Variants in TPTE2 observed in about 807,000 individuals in gnomAD.
The protein encoded by TPTE2 is phosphatidylinositol 3,4,5-trisphosphate 3-phosphatase TPTE2.
TPTE2 carries 53 observed loss-of-function variants against 78.6 expected under a neutral mutation model. The ratio of observed to expected loss-of-function variants is 0.67; its 90% CI spans 0.54 to 0.85. TPTE2 has a LOEUF of 0.85. Among genes scored for constraint, TPTE2 ranks in the 40% least tolerant of loss-of-function variants. The pLI, the probability that TPTE2 is intolerant of heterozygous loss-of-function variation, is 0.00. For missense variants in TPTE2, 461 were observed against 623.0 expected (o/e 0.74, Z 2.77); for synonymous variants, 175 against 206.2 (o/e 0.85, Z 1.30).
rs143926462 is a variant in TPTE2 at position 19,468,305 on chromosome 13, T to C, written c.393-961A>G. 4.2e-3 allele frequency among the ~76,000 whole-genome samples: 633 copies of C among 152,208 alleles called. 5 individuals are homozygous for C. The highest frequency in any genetic ancestry group is 0.026 in the South Asian group (125 of 4,814). ...ATCTGCCCACCTCAGCCTCCCAAAG[T>C]GCTGGGATTACAGGCATGAGCCATT... is the stretch of plus-strand genomic sequence containing the variant. On this transcript the variant is annotated intron_variant, in intron 6 of 19. Transcript: ENST00000400230.
chr13:19,488,051 G>A (rs1367417554), intron 3 of TPTE2, among the ~76,000 whole-genome samples: 4 of 152,206 alleles, frequency 2.6e-5, no homozygotes, highest in Non-Finnish European at 5.9e-5. Flanking sequence ...AGAAGGGGCT[G>A]CACAGGCTGA....
intron 15 of TPTE2, among the ~76,000 whole-genome samples, chr13:19,434,605 T>C (rs866758537): frequency 1.0e-3 from 158 of 152,134 alleles, no homozygotes; most frequent in Middle Eastern, 6.8e-3. Context: ...TGTTTTGTTT[T>C]GTTTGGGGCT....
chr13:19,457,769 G>GTT (rs1393095468), intron 10 of TPTE2, among the ~76,000 whole-genome samples: 1 of 151,658 alleles, frequency 6.6e-6, no homozygotes, highest in South Asian at 2.1e-4. Flanking sequence ...TTTTGTTGTT[G>GTT]TTTTTTTAAG....
chr13:19,494,278 C>T (rs1881179359), intron 1 of TPTE2, among the ~76,000 whole-genome samples: 1 of 152,198 alleles, frequency 6.6e-6, no homozygotes, highest in South Asian at 2.1e-4. Flanking sequence ...ATACACGATA[C>T]AGTGAGATGA....
At chr13:19,547,958 T>C in the TPTE2 span, among the ~76,000 whole-genome samples, 6 of 151,910 alleles carry the variant, frequency 3.9e-5, no homozygotes, top group African/African-American at 1.4e-4. Flanking sequence ...ATTATTTATA[T>C]AATTTAAAAT....
chr13:19,483,334 C>T (rs560193045), intron 3 of TPTE2, among the ~76,000 whole-genome samples: 28 of 152,290 alleles, frequency 1.8e-4, no homozygotes, highest in Non-Finnish European at 3.4e-4. Context: ...AATCTCATTA[C>T]TTGTTTTTGG....
Position 19,535,574 on chromosome 13 carries a change from T to C in TPTE2, c.-44+1022A>G, listed in dbSNP as rs1871165292. On this transcript the variant is annotated intron_variant, in intron 1 of 17. Transcript: ENST00000390680. This position sits in a 1 kb window ranked among gnomAD's most constrained non-coding sequence, Gnocchi z 5.1. ...GATTAAATTTAGATTGATTAATAAGTGACTGAGGTTCTAAGTAATACTATC... is the reference window on the plus strand; with the variant it reads ...GATTAAATTTAGATTGATTAATAAGCGACTGAGGTTCTAAGTAATACTATC... Among the ~76,000 whole-genome samples the C allele has an allele frequency of 6.6e-6, 1 of 151,940 alleles. No individual in the cohort carries two copies. Among genetic ancestry groups the C allele is most frequent in the African/African-American group, 2.4e-5 (1 of 41,428 alleles).
chr13:19,423,322 T>A (rs1388439445), intron 19 of TPTE2, among the ~76,000 whole-genome samples, 158 bp from the exon 23 acceptor site: 1 of 152,174 alleles, frequency 6.6e-6, no homozygotes, highest in Admixed American at 6.5e-5. Context: ...TTCCACCTTT[T>A]TAGTGAGACT....
At chr13:19,504,939 A>T (rs1290006995), upstream of TPTE2, among the ~76,000 whole-genome samples, 1 of 152,076 alleles carries the variant, frequency 6.6e-6, no homozygotes, top group Non-Finnish European at 1.5e-5. Context: ...TTGTGTACAC[A>T]TATTTTATAA....
chr13:19,526,454 C>G (rs181490769), intron 1 of TPTE2, among the ~76,000 whole-genome samples: 14 of 152,148 alleles, frequency 9.2e-5, no homozygotes, highest in African/African-American at 3.4e-4. Context: ...TCTAAGCAAA[C>G]TAACACAGGA....
intron 13 of TPTE2, among the ~76,000 whole-genome samples, chr13:19,446,891 T>G (rs1469611578): frequency 6.6e-6 from 1 of 152,200 alleles, no homozygotes; most frequent in Non-Finnish European, 1.5e-5. Context: ...TGCAATGAGC[T>G]GAGATCATGC....
At chr13:19,493,625 A>C (rs1881142929) in intron 1 of TPTE2, 124 bp from the exon 5 acceptor site, 1 of 854,264 alleles carries the variant, frequency 1.2e-6, no homozygotes, top group Non-Finnish European at 2.0e-6. Context: ...TGTATACAGC[A>C]CTATTGGAAC....
intron 18 of TPTE2, chr13:19,426,165 T>C (rs1876050539): frequency 2.8e-6 from 1 of 359,354 alleles, no homozygotes; most frequent in South Asian, 2.5e-5. Context: ...TTTTACTTTT[T>C]TTGTGTTTAT....
the TPTE2 span, among the ~76,000 whole-genome samples, chr13:19,557,375 A>G: frequency 6.6e-6 from 1 of 152,170 alleles, no homozygotes; most frequent in African/African-American, 2.4e-5. Flanking sequence ...CTGGGCAGGG[A>G]GTCAAGGCCC....
At chr13:19,555,971 C>T in the TPTE2 span, among the ~76,000 whole-genome samples, 4 of 151,990 alleles carry the variant, frequency 2.6e-5, no homozygotes, top group East Asian at 1.9e-4. Flanking sequence ...CACCACCATG[C>T]GCAGCCAATT....
intron 3 of TPTE2, among the ~76,000 whole-genome samples, chr13:19,491,970 A>G (rs1881017474): frequency 6.6e-6 from 1 of 152,220 alleles, no homozygotes; most frequent in African/African-American, 2.4e-5. Context: ...GAGCAACTAC[A>G]GAATTCTTAC....
At chr13:19,528,469 C>T (rs1417196464) in intron 1 of TPTE2, among the ~76,000 whole-genome samples, 1 of 151,712 alleles carries the variant, frequency 6.6e-6, no homozygotes, top group Admixed American at 6.6e-5. Context: ...ATTTGCATAA[C>T]AAATAGTGTG....
rs1262020307 is a variant in TPTE2, at chr13:19,492,922, A to G, written c.66-19T>C. 1.2e-6 allele frequency: 2 copies of G among 1,613,972 alleles called. No homozygotes were observed. Among genetic ancestry groups the G allele is most frequent in the Admixed American group, 1.7e-5 (1 of 60,028 alleles). ...GTGTGGGCTAGAGGATGATAAAAGA[A>G]TACAGTCAGATAGGAGACACGATTC... is the stretch of plus-strand genomic sequence containing the variant. On this transcript the variant is annotated intron_variant, in intron 2 of 19. Coordinates refer to ENST00000400230, the Ensembl canonical transcript of TPTE2.
At chr13:19,547,524 A>G in the TPTE2 span, among the ~76,000 whole-genome samples, 1 of 152,034 alleles carries the variant, frequency 6.6e-6, no homozygotes, top group African/African-American at 2.4e-5. Flanking sequence ...CTAGGAATTG[A>G]AAGTATTCAA....
Sources: allele counts gnomAD v4.1 joint callset (sites outside exome capture counted in the v4.1 genomes callset), GRCh38; gene constraint gnomAD v4.1.1; non-coding constraint Gnocchi (gnomAD v3.1); transcripts MANE v1.5; gene names NCBI Gene and HGNC (gene_info 2026-07-23, HGNC 2026-07-21).